The following GPC6 variants were observed in gnomAD, a reference collection of about 807,000 sequenced individuals.
The protein encoded by GPC6 is glypican 6.
A neutral mutation model predicts 55.2 loss-of-function variants in GPC6; 14 were observed. The observed-to-expected ratio is 0.25, with a 90% CI of 0.17 to 0.40. The LOEUF (loss-of-function observed/expected upper bound fraction) is 0.40, where lower values mean the gene tolerates loss of function less well. Among genes scored for constraint, GPC6 ranks in the 10% least tolerant of loss-of-function variants. The pLI is 1.00. For synonymous variants in GPC6, 278 were observed against 259.6 expected (o/e 1.07, Z -0.68); for missense variants, 641 against 708.5 (o/e 0.90, Z 1.08).
At chr13:93,302,756 TG>T (rs1054366075) in intron 1 of GPC6, among the ~76,000 whole-genome samples, 43 of 152,130 alleles carry the variant, frequency 2.8e-4, no homozygotes, top group African/African-American at 9.9e-4. Context: ...TCTCTTCTAG[TG>T]GAGTCAAGGC....
At chr13:93,422,869 A>C (rs1225898308) in intron 1 of GPC6, among the ~76,000 whole-genome samples, 1 of 152,174 alleles carries the variant, frequency 6.6e-6, no homozygotes, top group South Asian at 2.1e-4. Context: ...AACATGAGAG[A>C]GAGAATATGC....
At chr13:94,301,912 A>G (rs1224507972) in intron 5 of GPC6, among the ~76,000 whole-genome samples, 5 of 152,168 alleles carry the variant, frequency 3.3e-5, no homozygotes, top group Non-Finnish European at 7.3e-5. Flanking sequence ...CTTATTCAAA[A>G]TGTAAAATGT....
intron 1 of GPC6, among the ~76,000 whole-genome samples, chr13:93,408,768 T>C (rs1273412311): frequency 1.3e-5 from 2 of 152,008 alleles, no homozygotes; most frequent in Non-Finnish European, 1.5e-5. Context: ...AGTAAGTTAT[T>C]ATGGAGGTAG....
chr13:93,593,216 T>G (rs1244456500), intron 2 of GPC6, among the ~76,000 whole-genome samples: 1 of 152,172 alleles, frequency 6.6e-6, no homozygotes, highest in East Asian at 1.9e-4. Flanking sequence ...TTGATTATTT[T>G]TAATTGATGA....
At chr13:93,858,601 C>T (rs998124100) in intron 3 of GPC6, among the ~76,000 whole-genome samples, 1 of 151,534 alleles carries the variant, frequency 6.6e-6, no homozygotes, top group African/African-American at 2.4e-5. Context: ...ACAGAAAGAA[C>T]ACCATGAAAA....
chr13:93,829,709 T>C (rs1887407588), intron 2 of GPC6, among the ~76,000 whole-genome samples: 1 of 152,188 alleles, frequency 6.6e-6, no homozygotes, highest in Non-Finnish European at 1.5e-5. Flanking sequence ...TTATGGACTA[T>C]TTCAAATAAA....
At chr13:93,743,444 A>G (rs1407936513) in intron 2 of GPC6, among the ~76,000 whole-genome samples, 5 of 152,206 alleles carry the variant, frequency 3.3e-5, no homozygotes, top group East Asian at 3.8e-4. Flanking sequence ...TTTGAAATGT[A>G]TTATCTTAAG....
chr13:93,789,047 T>C (rs1178643454), intron 2 of GPC6, among the ~76,000 whole-genome samples: 1 of 151,986 alleles, frequency 6.6e-6, no homozygotes, highest in Non-Finnish European at 1.5e-5. Context: ...TTCTAGTGGA[T>C]TGGATGTGAG....
In GPC6 at chr13:93,398,955, C is replaced by T. The variant is rs118131546; in HGVS notation, c.161-146308C>T. Among the ~76,000 whole-genome samples, 758 of 152,134 alleles carry T rather than the reference C, an allele frequency of 5.0e-3. 11 individuals are homozygous for T. The highest frequency in any genetic ancestry group is 0.037 in the Admixed American group (558 of 15,280). ...TGATGCCAATCTTCTTTTAGTGTTT[C>T]GCAAATCATTATCTCAGGCCAGAAA... On this transcript the variant is annotated intron_variant, in intron 1 of 8. Transcript: ENST00000377047.
chr13:93,462,629 G>C (rs1289897450), intron 1 of GPC6, among the ~76,000 whole-genome samples: 2 of 142,706 alleles, frequency 1.4e-5, no homozygotes, highest in Non-Finnish European at 3.0e-5. Context: ...CTTAAATTTT[G>C]TAAAAATTGA....
rs1256007136 is a variant in GPC6 at position 94,060,483 on chromosome 13, TG to T, written c.877+32590del. Among the ~76,000 whole-genome samples the T allele has an allele frequency of 4.6e-5, 7 of 152,304 alleles. No individual in the cohort carries two copies. In the East Asian group the frequency reaches 1.2e-3, roughly 25 times the overall value. ...AATTAGTTTCAAATACTCTCTTAAT[TG>T]TTCATTTCACTTGCCACTTAGGCCA... On this transcript the variant is annotated intron_variant, in intron 4 of 8. Coordinates refer to ENST00000377047, the MANE Select transcript of GPC6 (RefSeq NM_005708.5).
chr13:94,174,366 G>A (rs9589924), intron 4 of GPC6, among the ~76,000 whole-genome samples: 2,369 of 151,956 alleles, frequency 0.016, 72 homozygotes, highest in African/African-American at 0.054. Context: ...TATCAAATAG[G>A]GTAAATCAAT....
At chr13:94,346,461 G>A (rs1878295188) in intron 6 of GPC6, among the ~76,000 whole-genome samples, 1 of 152,132 alleles carries the variant, frequency 6.6e-6, no homozygotes, top group Non-Finnish European at 1.5e-5. Flanking sequence ...GGTGGCTCAC[G>A]CCTCTAATCC....
intron 2 of GPC6, among the ~76,000 whole-genome samples, chr13:93,704,095 A>G (rs528662796): frequency 9.8e-4 from 149 of 152,078 alleles, no homozygotes; most frequent in Middle Eastern, 6.8e-3. Context: ...CTCGAGCCCA[A>G]TATTGCCCAT....
rs187017763 is a variant in GPC6 at position 93,351,830 on chromosome 13, A to G, written c.160+124214A>G. Among the ~76,000 whole-genome samples the G allele has an allele frequency of 9.7e-4, 147 of 152,294 alleles. 1 individual carries two copies. Among genetic ancestry groups the G allele is most frequent in the African/African-American group, 3.4e-3 (143 of 41,578 alleles). On this transcript the variant is annotated intron_variant, in intron 1 of 8. Coordinates refer to ENST00000377047, the MANE Select transcript of GPC6 (RefSeq NM_005708.5). ...TACGTTAGCTGCTGCATTTGTCTTC[A>G]CTTTTCTGAGTAACACTTGGGATTT...
chr13:94,217,008 T>TATCA (rs1235153609), intron 4 of GPC6, among the ~76,000 whole-genome samples: 2 of 152,192 alleles, frequency 1.3e-5, no homozygotes, highest in African/African-American at 4.8e-5. Context: ...AAAATGGAGA[T>TATCA]ATCAGTATGT....
rs560258269 is a variant in GPC6 at position 93,753,252 on chromosome 13, C to T, written c.320-76902C>T. Among the ~76,000 whole-genome samples, 3 of 152,226 alleles carry T rather than the reference C, an allele frequency of 2.0e-5. No individual in the cohort carries two copies. In the South Asian group the frequency reaches 6.2e-4, roughly 32 times the overall value. ...ACTTCAGTGAACATTTATATATAAC[C>T]ATTTCTTTACCGCATGGTTCTAACA... On this transcript the variant is annotated intron_variant, in intron 2 of 8. Coordinates refer to ENST00000377047, the MANE Select transcript of GPC6 (RefSeq NM_005708.5).
chr13:94,117,829 T>G (rs1226477957), intron 4 of GPC6, among the ~76,000 whole-genome samples: 1 of 152,084 alleles, frequency 6.6e-6, no homozygotes, highest in Non-Finnish European at 1.5e-5. Flanking sequence ...TACATCTGGT[T>G]TTTCATAGGT....
intron 1 of GPC6, among the ~76,000 whole-genome samples, chr13:93,499,106 C>CACACAA (rs71123488): frequency 0.19 from 28,078 of 151,720 alleles, 3,029 homozygotes; most frequent in Middle Eastern, 0.26. Context: ...CACACACACA[C>CACACAA]ACACACACAC....
Sources: gnomAD v4.1 joint callset for allele counts (sites outside exome capture counted in the v4.1 genomes callset) on GRCh38, gnomAD v4.1.1 for gene constraint, MANE v1.5 for transcripts, NCBI Gene and HGNC (gene_info 2026-07-23, HGNC 2026-07-21) for gene names.